MAGI2: variants seen among roughly 807,000 people sequenced by gnomAD.
MAGI2 encodes the protein membrane-associated guanylate kinase, WW and PDZ domain-containing protein 2.
A neutral mutation model predicts 133.3 loss-of-function variants in MAGI2; 35 were observed. That is an observed-to-expected ratio of 0.26 (90% CI 0.20 to 0.35). The LOEUF (loss-of-function observed/expected upper bound fraction) is 0.35, where lower values mean the gene tolerates loss of function less well. Among genes scored for constraint, MAGI2 ranks in the 10% least tolerant of loss-of-function variants. MAGI2 has a pLI of 1.00. For missense variants in MAGI2, 1,636 were observed against 1,863.4 expected (o/e 0.88, Z 2.25); for synonymous variants, 729 against 710.6 (o/e 1.03, Z -0.41).
At chr7:79,146,753 T>C (rs1225857873) in intron 1 of MAGI2, among the ~76,000 whole-genome samples, 1 of 152,226 alleles carries the variant, frequency 6.6e-6, no homozygotes, top group Non-Finnish European at 1.5e-5. Context: ...GTGAGTGCAT[T>C]AAACCTATTT....
intron 7 of MAGI2, among the ~76,000 whole-genome samples, chr7:78,353,342 A>G (rs1366628197): frequency 6.6e-6 from 1 of 152,208 alleles, no homozygotes; most frequent in African/African-American, 2.4e-5. Flanking sequence ...TATTCTGGGC[A>G]CTAAGGACAC....
intron 10 of MAGI2, among the ~76,000 whole-genome samples, chr7:78,245,088 C>A (rs188180214): frequency 6.6e-6 from 1 of 152,146 alleles, no homozygotes; most frequent in African/African-American, 2.4e-5. Flanking sequence ...GGAGGCAAAG[C>A]GATTGTTATT....
intron 2 of MAGI2, among the ~76,000 whole-genome samples, chr7:78,834,276 G>A (rs1026265846): frequency 1.3e-5 from 2 of 152,062 alleles, no homozygotes; most frequent in Non-Finnish European, 2.9e-5. Flanking sequence ...ACAAGTTTGG[G>A]TTACCATAAC....
At chr7:78,600,324 A>G (rs1805060937) in intron 3 of MAGI2, among the ~76,000 whole-genome samples, 2 of 152,148 alleles carry the variant, frequency 1.3e-5, no homozygotes, top group South Asian at 4.1e-4. Flanking sequence ...AGACATATAG[A>G]TGGAGAGTTA....
At chr7:78,471,158 C>A (rs1276369941) in intron 6 of MAGI2, among the ~76,000 whole-genome samples, 1 of 152,058 alleles carries the variant, frequency 6.6e-6, no homozygotes, top group African/African-American at 2.4e-5. Flanking sequence ...ATTAAGAAGA[C>A]CATACATAGG....
intron 9 of MAGI2, among the ~76,000 whole-genome samples, chr7:78,265,604 T>C (rs1793920781): frequency 6.6e-6 from 1 of 152,196 alleles, no homozygotes; most frequent in Non-Finnish European, 1.5e-5. Flanking sequence ...GATAAAAATG[T>C]AGCATTCCCC....
intron 1 of MAGI2, among the ~76,000 whole-genome samples, chr7:79,320,202 A>G (rs1249189669): frequency 2.0e-5 from 3 of 152,142 alleles, no homozygotes; most frequent in African/African-American, 7.2e-5. Context: ...GATTTCCCAT[A>G]TATACAAAAA....
chr7:79,396,095 G>A (rs947202088), intron 1 of MAGI2, among the ~76,000 whole-genome samples: 10 of 152,060 alleles, frequency 6.6e-5, no homozygotes, highest in Admixed American at 1.3e-4. Flanking sequence ...CCCAGCGACT[G>A]TTGTAATAGA....
At chr7:78,448,983 T>C (rs1788440152) in intron 6 of MAGI2, among the ~76,000 whole-genome samples, 1 of 152,042 alleles carries the variant, frequency 6.6e-6, no homozygotes, top group African/African-American at 2.4e-5. Context: ...GGTGAAGATA[T>C]GGGTCAAAGG....
At chr7:78,677,844 G>C (rs1815216523) in intron 2 of MAGI2, among the ~76,000 whole-genome samples, 1 of 152,062 alleles carries the variant, frequency 6.6e-6, no homozygotes, top group Non-Finnish European at 1.5e-5. Context: ...CAATCAAGCA[G>C]AAAAGCTAGT....
At chr7:78,883,261 C>CACAAA (rs371642782) in intron 2 of MAGI2, among the ~76,000 whole-genome samples, 155 of 151,894 alleles carry the variant, frequency 1.0e-3, no homozygotes, top group Non-Finnish European at 1.6e-3. Flanking sequence ...TAGACACACA[C>CACAAA]ACAAAACAAA....
chr7:78,155,486 T>C (rs115465044), intron 16 of MAGI2, among the ~76,000 whole-genome samples: 4 of 152,038 alleles, frequency 2.6e-5, no homozygotes, highest in Admixed American at 6.6e-5. Context: ...TGGTGGTGCA[T>C]GGTGGTCTAA....
At chr7:78,879,759 A>G (rs1795702064) in intron 2 of MAGI2, among the ~76,000 whole-genome samples, 1 of 152,110 alleles carries the variant, frequency 6.6e-6, no homozygotes, top group Non-Finnish European at 1.5e-5. Flanking sequence ...GAAATAAAAA[A>G]TAAAGAATTC....
At chr7:79,042,317 A>C (rs541753481) in intron 1 of MAGI2, among the ~76,000 whole-genome samples, 50 of 152,084 alleles carry the variant, frequency 3.3e-4, no homozygotes, top group Non-Finnish European at 6.9e-4. Context: ...TGTTGGTTTA[A>C]AGTCTGTTTC....
chr7:79,145,281 T>A (rs1160805207), intron 1 of MAGI2, among the ~76,000 whole-genome samples: 1 of 152,198 alleles, frequency 6.6e-6, no homozygotes, highest in Non-Finnish European at 1.5e-5. Context: ...CCAAAGAGAC[T>A]TTATTTTATA....
At chr7:78,073,952 T>A (rs1375055235) in intron 21 of MAGI2, among the ~76,000 whole-genome samples, 1 of 152,226 alleles carries the variant, frequency 6.6e-6, no homozygotes, top group Non-Finnish European at 1.5e-5. Context: ...CCACTGAGTT[T>A]ACAATCAACA....
chr7:78,655,560 A>G (rs1812141460), intron 2 of MAGI2, among the ~76,000 whole-genome samples: 1 of 150,652 alleles, frequency 6.6e-6, no homozygotes, highest in Non-Finnish European at 1.5e-5. Flanking sequence ...CATATCCTTC[A>G]GGGCGGCATC....
chr7:79,270,265 C>T (rs1351389669), intron 1 of MAGI2, among the ~76,000 whole-genome samples: 1 of 152,278 alleles, frequency 6.6e-6, no homozygotes, highest in African/African-American at 2.4e-5. Flanking sequence ...TGAGTAATAA[C>T]TCTGTCTTTT....
Position 79,267,584 on chromosome 7 carries a change from A to G in MAGI2, c.301+185436T>C, listed in dbSNP as rs141778828. Among the ~76,000 whole-genome samples the G allele has an allele frequency of 4.2e-4, 64 of 152,310 alleles. No homozygotes were observed. The East Asian group carries it at 0.012, about 28-fold the overall frequency. On this transcript the variant is annotated intron_variant, in intron 1 of 21. Coordinates refer to ENST00000354212, the MANE Select transcript of MAGI2 (RefSeq NM_012301.4). ...AGTTTACAATGCAGTTTAGTTGCTTAAGTTGCTGCCATACTCTTTCATCTA... is the reference window on the plus strand; with the variant it reads ...AGTTTACAATGCAGTTTAGTTGCTTGAGTTGCTGCCATACTCTTTCATCTA...
Sources: gnomAD v4.1 joint callset for allele counts (sites outside exome capture counted in the v4.1 genomes callset) on GRCh38, gnomAD v4.1.1 for gene constraint, MANE v1.5 for transcripts, NCBI Gene and HGNC (gene_info 2026-07-23, HGNC 2026-07-21) for gene names.